TET3: variants seen among roughly 807,000 people sequenced by gnomAD.
TET3 encodes the protein tet methylcytosine dioxygenase 3.
A neutral mutation model predicts 141.4 loss-of-function variants in TET3; 19 were observed. That is an observed-to-expected ratio of 0.13 (90% CI 0.09 to 0.20). The LOEUF (loss-of-function observed/expected upper bound fraction) is 0.20, where lower values mean the gene tolerates loss of function less well. Ranked by LOEUF, TET3 falls within the 10% of genes least tolerant of loss-of-function variation. The pLI, the probability that TET3 is intolerant of heterozygous loss-of-function variation, is 1.00. For missense variants in TET3, 1,874 were observed against 2,356.9 expected, an observed-to-expected ratio of 0.80 and a Z score of 4.24; for synonymous variants, 1,043 against 980.9, an observed-to-expected ratio of 1.06 and a Z score of -1.18.
At chr2:74,061,166 C>T (rs1292510794) in intron 4 of TET3, among the ~76,000 whole-genome samples, 9 of 149,176 alleles carry the variant, frequency 6.0e-5, no homozygotes, top group Non-Finnish European at 9.0e-5. Flanking sequence ...ACTTCCCTCC[C>T]GGACGGGGCG....
intron 3 of TET3, among the ~76,000 whole-genome samples, chr2:74,033,294 C>T (rs1396725433): frequency 6.6e-6 from 1 of 152,236 alleles, no homozygotes; most frequent in Non-Finnish European, 1.5e-5. Flanking sequence ...TATGATTCCC[C>T]TTGCTGTTTT....
chr2:74,135,156 C>T, the TET3 span: 1 of 233,552 alleles, frequency 4.3e-6, no homozygotes, highest in Non-Finnish European at 8.5e-6. Flanking sequence ...GGTCCAAGAT[C>T]ATTCATGTAA....
chr2:74,015,086 G>A (rs535235034), intron 3 of TET3, among the ~76,000 whole-genome samples: 2 of 152,326 alleles, frequency 1.3e-5, no homozygotes, highest in African/African-American at 2.4e-5. Context: ...GTCTGAACCT[G>A]TTCAAGCCAT....
At chr2:74,038,380 G>T (rs1687177259) in intron 3 of TET3, among the ~76,000 whole-genome samples, 1 of 152,178 alleles carries the variant, frequency 6.6e-6, no homozygotes, top group South Asian at 2.1e-4. Flanking sequence ...CCAACTTGGG[G>T]AAGACCTAGC....
At chr2:74,036,074 C>T (rs529232402) in intron 3 of TET3, among the ~76,000 whole-genome samples, 2 of 152,308 alleles carry the variant, frequency 1.3e-5, no homozygotes, top group South Asian at 2.1e-4. Flanking sequence ...AATACCCTCT[C>T]GCGGTGCTTA....
At position 74,089,999 on chromosome 2, in the gene TET3, G is replaced by A. The variant is rs368709050; in HGVS notation, c.2991G>A (p.Arg997=). The change falls in exon 8 of 12, where the codon CGG becomes CGA. Residue 997 remains arginine (R), a synonymous_variant. Transcript: ENST00000409262. ...SMYFNGCKYA[R]SKTPRKFRLA... ...ACTTCAACGGCTGCAAGTATGCTCG[G>A]AGCAAGACACCTCGCAAGTTCCGCC... 3 of 1,614,042 alleles carry A rather than the reference G, an allele frequency of 1.9e-6. No individual in the cohort carries two copies. The African/African-American group carries it at 4.0e-5, about 22-fold the overall frequency.
At chr2:74,022,094 C>CCTTTTTTTTTTTTTTTTTTTTTTTTTT (rs57671706) in intron 3 of TET3, among the ~76,000 whole-genome samples, 1 of 82,768 alleles carries the variant, frequency 1.2e-5, no homozygotes, top group Non-Finnish European at 2.3e-5. Context: ...TTCTAGGACA[C>CCTTTTTTTTTTTTTTTTTTTTTTTTTT]TTTTTTTTTT....
intron 3 of TET3, among the ~76,000 whole-genome samples, chr2:74,008,863 C>CT (rs1309427278): frequency 2.0e-5 from 3 of 152,144 alleles, no homozygotes; most frequent in African/African-American, 7.2e-5. Context: ...TCCTGGTTAC[C>CT]TCCGAGGCCT....
At chr2:74,061,743 G>A (rs1210080241) in intron 4 of TET3, among the ~76,000 whole-genome samples, 2 of 146,928 alleles carry the variant, frequency 1.4e-5, no homozygotes, top group Admixed American at 1.3e-4. Context: ...TTCTCAGACG[G>A]GGCGGCCGGG....
intron 4 of TET3, among the ~76,000 whole-genome samples, chr2:74,057,671 C>T (rs1178397518): frequency 2.0e-5 from 3 of 152,150 alleles, no homozygotes; most frequent in East Asian, 3.8e-4. Flanking sequence ...GAACCACTGG[C>T]GTCTAGAAGC....
At chr2:73,985,428 G>C (rs1683966853) in intron 1 of TET3, among the ~76,000 whole-genome samples, 1 of 144,440 alleles carries the variant, frequency 6.9e-6, no homozygotes, top group East Asian at 2.1e-4. Context: ...CGCGCGGCCC[G>C]GCCCGCGGCT....
rs77898397 is a variant in TET3, at chr2:74,098,786, G to T, written c.3268-490G>T. On this transcript the variant is annotated intron_variant, in intron 10 of 11. Transcript: ENST00000409262. The stretch of plus-strand genomic sequence containing the variant: ...TTTTTATATTTTTGGTAGAGACAGG[G>T]TTTCATCATATTGATCAGGCTAGTC... Among the ~76,000 whole-genome samples the T allele has an allele frequency of 5.2e-4, 79 of 152,202 alleles. No homozygotes were observed. The East Asian group carries it at 0.014, about 28-fold the overall frequency.
chr2:74,060,373 G>C (rs1293862028), intron 4 of TET3, among the ~76,000 whole-genome samples: 1 of 152,138 alleles, frequency 6.6e-6, no homozygotes, highest in Non-Finnish European at 1.5e-5. Context: ...TGAGTGGTAA[G>C]GGTTCTTTAT....
chr2:74,016,315 A>G (rs1016278503), intron 3 of TET3, among the ~76,000 whole-genome samples: 9 of 152,120 alleles, frequency 5.9e-5, no homozygotes, highest in Admixed American at 3.9e-4. Flanking sequence ...TAAAAAAAAA[A>G]AAAAAATTCA....
chr2:73,984,632 G>A (rs1309863635), upstream of TET3, among the ~76,000 whole-genome samples: 1 of 151,938 alleles, frequency 6.6e-6, no homozygotes, highest in Non-Finnish European at 1.5e-5. This position sits in a 1 kb window ranked among gnomAD's most constrained non-coding sequence, Gnocchi z 5.6. Flanking sequence ...CCGCCGGAGG[G>A]CGAGGGTGGC....
At chr2:74,051,598 G>T (rs147638029) in intron 4 of TET3, among the ~76,000 whole-genome samples, 1 of 152,190 alleles carries the variant, frequency 6.6e-6, no homozygotes, top group Non-Finnish European at 1.5e-5. Context: ...CCCTGTGGTA[G>T]GAGACCCGTT....
chr2:74,032,231 G>A (rs557440861), intron 3 of TET3, among the ~76,000 whole-genome samples: 51 of 152,106 alleles, frequency 3.4e-4, no homozygotes, highest in Non-Finnish European at 5.9e-4. Context: ...CTGGCTCTGC[G>A]GGGGACTGTG....
At chr2:74,000,477 A>G (rs987536599) in intron 2 of TET3, among the ~76,000 whole-genome samples, 1 of 152,184 alleles carries the variant, frequency 6.6e-6, no homozygotes, top group African/African-American at 2.4e-5. Context: ...GATCTGAGAA[A>G]CTGGCAGGGG....
At chr2:74,032,940 C>T (rs1686835748) in intron 3 of TET3, among the ~76,000 whole-genome samples, 1 of 152,084 alleles carries the variant, frequency 6.6e-6, no homozygotes, top group African/African-American at 2.4e-5. Flanking sequence ...GGCACCCCAT[C>T]TCAACTAGGC....
Sources: gnomAD v4.1 joint callset for allele counts (sites outside exome capture counted in the v4.1 genomes callset) on GRCh38, gnomAD v4.1.1 for gene constraint, Gnocchi (gnomAD v3.1) non-coding constraint, MANE v1.5 for transcripts, NCBI Gene and HGNC (gene_info 2026-07-23, HGNC 2026-07-21) for gene names.